The following HRH1 variants were observed in gnomAD, a reference collection of about 807,000 sequenced individuals.
HRH1 encodes histamine receptor H1.
A neutral mutation model predicts 10.3 loss-of-function variants in HRH1; 6 were observed. That is an observed-to-expected ratio of 0.58 (90% confidence interval 0.32 to 1.15). The LOEUF (loss-of-function observed/expected upper bound fraction) is 1.15, where lower values mean the gene tolerates loss of function less well. HRH1 is among the 50% of genes most tolerant of loss of function. The probability of loss-of-function intolerance (pLI) is 0.05; values close to 1 mark genes in which losing one functional copy is unlikely to be tolerated. For synonymous variants in HRH1, 242 were observed against 236.7 expected (o/e 1.02, Z -0.21); for missense variants, 514 against 615.3 (o/e 0.84, Z 1.74).
At chr3:11,237,872 T>G (rs1375016088) in intron 1 of HRH1, among the ~76,000 whole-genome samples, 1 of 151,964 alleles carries the variant, frequency 6.6e-6, no homozygotes, top group Non-Finnish European at 1.5e-5. Context: ...GAGACGGAGT[T>G]TCACCATATT....
At chr3:11,216,592 G>C (rs572116296) in intron 1 of HRH1, among the ~76,000 whole-genome samples, 5 of 152,316 alleles carry the variant, frequency 3.3e-5, no homozygotes, top group Admixed American at 1.3e-4. Flanking sequence ...GAGACAGAAA[G>C]TGGAGACCAG....
chr3:11,199,840 T>G (rs921862878), intron 1 of HRH1, among the ~76,000 whole-genome samples: 2 of 152,194 alleles, frequency 1.3e-5, no homozygotes, highest in African/African-American at 2.4e-5. Context: ...TTGGTTCATA[T>G]GATAGTCACA....
intron 1 of HRH1, among the ~76,000 whole-genome samples, chr3:11,203,789 C>G (rs1938018331): frequency 6.6e-6 from 1 of 152,192 alleles, no homozygotes; most frequent in Non-Finnish European, 1.5e-5. Context: ...AGTCTGCCAA[C>G]TTTGCTCTTC....
At chr3:11,228,497 A>C (rs1938954766) in intron 1 of HRH1, among the ~76,000 whole-genome samples, 1 of 152,180 alleles carries the variant, frequency 6.6e-6, no homozygotes, top group Non-Finnish European at 1.5e-5. Context: ...AGCTCTGTTC[A>C]TGATTCCAAT....
intron 1 of HRH1, among the ~76,000 whole-genome samples, chr3:11,173,859 C>T (rs1354374628): frequency 7.2e-5 from 11 of 152,138 alleles, no homozygotes. Context: ...AGGATTCAGT[C>T]CAAAGACAGA....
At chr3:11,196,675 T>TA (rs2125024579) in intron 1 of HRH1, among the ~76,000 whole-genome samples, 1 of 152,196 alleles carries the variant, frequency 6.6e-6, no homozygotes, top group South Asian at 2.1e-4. Context: ...TCAGCCCATA[T>TA]AAAATATTTG....
chr3:11,224,526 T>C (rs1938818446), intron 1 of HRH1, among the ~76,000 whole-genome samples: 1 of 152,040 alleles, frequency 6.6e-6, no homozygotes, highest in African/African-American at 2.4e-5. Context: ...TGAAACCCGG[T>C]CTCTACTAAA....
rs369793859 is a variant in HRH1 at position 11,259,976 on chromosome 3, G to A, written c.939G>A (p.Ala313=). Reference sequence around the variant, plus strand: ...TTGATATTGTGCACATGCAGGCTGCGGCAGAGGGGAGTAGCAGGGACTATG... The same window carrying A: ...TTGATATTGTGCACATGCAGGCTGCAGCAGAGGGGAGTAGCAGGGACTATG... ...FPLDIVHMQA[A]AEGSSRDYVA... Residue 313 remains alanine (A), a synonymous_variant, in exon 2 of 2, where the codon GCG becomes GCA. Transcript: ENST00000431010. The surrounding 1 kb of genome is among the most constrained non-coding windows in gnomAD (Gnocchi z 4.6). 1.1e-5 allele frequency: 17 copies of A among 1,614,032 alleles called. No individual in the cohort carries two copies. The highest frequency in any genetic ancestry group is 1.0e-4 in the Admixed American group (6 of 60,004).
At chr3:11,211,455 A>G (rs1938324179) in intron 1 of HRH1, among the ~76,000 whole-genome samples, 1 of 152,202 alleles carries the variant, frequency 6.6e-6, no homozygotes, top group African/African-American at 2.4e-5. Context: ...AACTTCAACA[A>G]ATTAAGACGT....
intron 1 of HRH1, among the ~76,000 whole-genome samples, chr3:11,205,155 A>G (rs186503578): frequency 1.3e-5 from 2 of 152,334 alleles, no homozygotes; most frequent in Admixed American, 6.5e-5. Context: ...GGAGATGGGA[A>G]TGTATGCACT....
At chr3:11,138,992 T>C (rs573838006) in intron 1 of HRH1, among the ~76,000 whole-genome samples, 30 of 132,144 alleles carry the variant, frequency 2.3e-4, no homozygotes, top group South Asian at 1.8e-3. Flanking sequence ...CATTGTTCTT[T>C]TTTTTTTTTT....
intron 1 of HRH1, among the ~76,000 whole-genome samples, chr3:11,258,259 A>G (rs1162219404): frequency 6.6e-6 from 1 of 151,388 alleles, no homozygotes; most frequent in Non-Finnish European, 1.5e-5. Flanking sequence ...AAAAAAAAAA[A>G]AAAAAGCAAA....
chr3:11,159,523 C>T (rs150128037), intron 1 of HRH1, among the ~76,000 whole-genome samples: 193 of 152,312 alleles, frequency 1.3e-3, no homozygotes, highest in African/African-American at 4.5e-3. Flanking sequence ...TGCATGACAT[C>T]GACTTCTGCA....
At chr3:11,214,598 GTCATTCAT>G (rs370606152) in intron 1 of HRH1, among the ~76,000 whole-genome samples, 10 of 152,172 alleles carry the variant, frequency 6.6e-5, no homozygotes, top group Non-Finnish European at 1.3e-4. Context: ...ACCATGCATT[GTCATTCAT>G]TCATTCATTC....
chr3:11,159,940 A>G (rs947152465), intron 1 of HRH1, among the ~76,000 whole-genome samples: 5 of 152,248 alleles, frequency 3.3e-5, no homozygotes, highest in African/African-American at 1.2e-4. Context: ...GTCTGTCCTG[A>G]GTACCATGGG....
intron 1 of HRH1, among the ~76,000 whole-genome samples, chr3:11,214,307 C>T (rs1013844294): frequency 2.0e-5 from 3 of 152,148 alleles, no homozygotes; most frequent in Non-Finnish European, 2.9e-5. Flanking sequence ...CAGTTAGTAA[C>T]GCAGTCTTCT....
intron 1 of HRH1, among the ~76,000 whole-genome samples, chr3:11,238,382 G>C (rs1016618758): frequency 6.6e-6 from 1 of 152,044 alleles, no homozygotes; most frequent in Admixed American, 6.6e-5. Context: ...CAGTTCTTCC[G>C]CTAAGCAACT....
chr3:11,202,045 T>C (rs926229214), intron 1 of HRH1, among the ~76,000 whole-genome samples: 1 of 152,228 alleles, frequency 6.6e-6, no homozygotes, highest in Non-Finnish European at 1.5e-5. Flanking sequence ...TCTTCCTTAA[T>C]ACATACGGTT....
chr3:11,256,267 A>C (rs1169743143), intron 1 of HRH1, among the ~76,000 whole-genome samples: 1 of 152,144 alleles, frequency 6.6e-6, no homozygotes, highest in African/African-American at 2.4e-5. Flanking sequence ...AGGACATCAA[A>C]AAATACCGCT....
Sources: gnomAD v4.1 joint callset for allele counts (sites outside exome capture counted in the v4.1 genomes callset) on GRCh38, gnomAD v4.1.1 for gene constraint, Gnocchi (gnomAD v3.1) non-coding constraint, MANE v1.5 for transcripts, NCBI Gene and HGNC (gene_info 2026-07-23, HGNC 2026-07-21) for gene names.